TPM4: variants seen among roughly 807,000 people sequenced by gnomAD.
TPM4 encodes the protein tropomyosin alpha-4 chain.
Under a neutral mutation model 35.8 loss-of-function variants are expected in TPM4, and 17 were observed. The ratio of observed to expected loss-of-function variants is 0.47; its 90% confidence interval spans 0.32 to 0.71. The LOEUF is 0.71. Ranked by LOEUF, TPM4 falls within the 30% of genes least tolerant of loss-of-function variation. The pLI is 0.03. For synonymous variants in TPM4, 120 were observed against 122.9 expected, an observed-to-expected ratio of 0.98 and a Z score of 0.15; for missense variants, 240 against 320.9, an observed-to-expected ratio of 0.75 and a Z score of 1.93.
intron 1 of TPM4, among the ~76,000 whole-genome samples, chr19:16,079,289 G>GT (rs1308385452): frequency 6.6e-6 from 1 of 152,124 alleles, no homozygotes; most frequent in Non-Finnish European, 1.5e-5. Context: ...TGGGTACACA[G>GT]TTTTTTGTTT....
intron 1 of TPM4, 142 bp downstream of exon 1, chr19:16,076,839 A>G (rs929050379): frequency 1.2e-4 from 154 of 1,239,018 alleles, no homozygotes; most frequent in Non-Finnish European, 1.5e-4. Flanking sequence ...GCCGACCCAC[A>G]TCCCTGCGCC....
chr19:16,094,853 C>G (rs2090674681), intron 7 of TPM4, among the ~76,000 whole-genome samples: 1 of 152,148 alleles, frequency 6.6e-6, no homozygotes, highest in African/African-American at 2.4e-5. Flanking sequence ...AGGACACATT[C>G]TTCAGACCAT....
intron 7 of TPM4, chr19:16,095,387 G>T (rs1442252880): frequency 1.9e-6 from 2 of 1,033,090 alleles, no homozygotes; most frequent in Non-Finnish European, 2.3e-6. Context: ...CTCACATGGT[G>T]CCTCCTACGC....
intron 2 of TPM4, among the ~76,000 whole-genome samples, chr19:16,068,465 T>G (rs973797937): frequency 6.6e-6 from 1 of 152,122 alleles, no homozygotes; most frequent in Non-Finnish European, 1.5e-5. Flanking sequence ...CATGAGCCAC[T>G]GCGCCCGGCC....
rs935774308 is a variant in TPM4, at chr19:16,070,624, C to T, written c.114+2886C>T. 2.6e-5 allele frequency among the ~76,000 whole-genome samples: 4 copies of T among 152,210 alleles called. No individual in the cohort carries two copies. The South Asian group carries it at 8.3e-4, about 31-fold the overall frequency. Reference sequence around the variant, plus strand: ...GAAGTGACAGTAGGGCCTCCCTTGCCACCCCATGACAGGATTAGAGGTGAC... The same window carrying T: ...GAAGTGACAGTAGGGCCTCCCTTGCTACCCCATGACAGGATTAGAGGTGAC... On this transcript the variant is annotated intron_variant, in intron 2 of 2. Coordinates refer to the TPM4 transcript ENST00000589897. This position sits in a 1 kb window ranked among gnomAD's most constrained non-coding sequence, Gnocchi z 7.4.
At chr19:16,096,223 C>T (rs2090694304) in intron 7 of TPM4, among the ~76,000 whole-genome samples, 1 of 152,156 alleles carries the variant, frequency 6.6e-6, no homozygotes, top group South Asian at 2.1e-4. Flanking sequence ...GCCATCACGC[C>T]TGGCCATTTT....
chr19:16,091,148 G>A (rs1401608403), intron 5 of TPM4, among the ~76,000 whole-genome samples: 2 of 152,110 alleles, frequency 1.3e-5, no homozygotes, highest in Admixed American at 6.6e-5. Context: ...CACCTCCTAG[G>A]CTCAAGCAAT....
rs573362207 is a variant in TPM4, at chr19:16,084,489, C to T, written c.267-1934C>T. On this transcript the variant is annotated intron_variant, in intron 2 of 7. Coordinates refer to ENST00000643579, the MANE Select transcript of TPM4 (RefSeq NM_003290.3). The stretch of plus-strand genomic sequence containing the variant: ...GGTTAGCTGCTGTTCACAGTCAGAC[C>T]AGCCTGGCTGGATGCTGACGTTGAG... Among the ~76,000 whole-genome samples the T allele has an allele frequency of 6.2e-4, 94 of 152,338 alleles. 2 individuals are homozygous for T. Among genetic ancestry groups the T allele is most frequent in the Admixed American group, 5.0e-3 (77 of 15,296 alleles).
chr19:16,068,116 CGT>C (rs1181179620), intron 2 of TPM4, among the ~76,000 whole-genome samples: 2 of 148,562 alleles, frequency 1.3e-5, no homozygotes, highest in East Asian at 4.0e-4. Flanking sequence ...TGTGTGTGTA[CGT>C]GTGTGTGTAC....
chr19:16,082,025 A>C lies in TPM4; in HGVS notation c.245A>C (p.Lys82Thr). ...TALQKLEEAE[K>T]AADESERGMK... ...CTGCAGAAGCTGGAGGAGGCAGAAA[A>C]AGCTGCAGATGAGAGTGAGAGGTAA... The change falls in exon 2 of 8, where the codon AAA (lysine) becomes ACA (threonine). Residue 82 changes from lysine to threonine, a missense_variant. Coordinates refer to ENST00000643579, the MANE Select transcript of TPM4 (RefSeq NM_003290.3). 1 of 1,609,788 alleles carries C rather than the reference A, an allele frequency of 6.2e-7. No individual in the cohort carries two copies. The highest frequency in any genetic ancestry group is 1.7e-4 in the Middle Eastern group (1 of 6,032).
At chr19:16,075,714 G>A, upstream of TPM4, 1 of 242,758 alleles carries the variant, frequency 4.1e-6, no homozygotes, top group Non-Finnish European at 8.0e-6. Context: ...ATCATGGTGA[G>A]GCTGCACCTC....
upstream of TPM4, chr19:16,076,398 G>A (rs573127719): frequency 1.5e-4 from 204 of 1,379,338 alleles, no homozygotes; most frequent in East Asian, 4.2e-3. Context: ...GGTCCGGCCG[G>A]GTGACCTCAT....
At position 16,101,250 on chromosome 19, in the gene TPM4, T is replaced by G; in HGVS notation, c.665-14T>G. On this transcript the variant is annotated splice_polypyrimidine_tract_variant and intron_variant, in intron 7 of 7. Transcript: ENST00000643579. ...TATTAATTTATCTTTCCCCATACTC[T>G]TAATCCTCACCAGAGAAACTTGCCC... 6.3e-7 allele frequency: 1 copy of G among 1,585,132 alleles called. No homozygotes were observed. Among genetic ancestry groups the G allele is most frequent in the Non-Finnish European group, 8.6e-7 (1 of 1,167,970 alleles).
chr19:16,089,055 G>T lies in TPM4; in HGVS notation c.466G>T (p.Asp156Tyr). The change falls in exon 5 of 8, where the codon GAC (aspartate) becomes TAC (tyrosine). Residue 156 changes from aspartate (D) to tyrosine (Y), a missense_variant. Physicochemically the swap from Asp to Tyr is radical, Grantham distance 160. Transcript: ENST00000643579. The stretch of plus-strand genomic sequence containing the variant: ...TTTGTCTTTGTGCAGAAAATGTGGT[G>T]ACCTGGAAGAAGAACTCAAGAATGT... ...RAEVSELKCG[D>Y]LEEELKNVTN... The T allele has an allele frequency of 1.2e-6, 2 of 1,614,058 alleles. No homozygotes were observed. Among genetic ancestry groups the T allele is most frequent in the South Asian group, 2.2e-5 (2 of 91,046 alleles).
intron 2 of TPM4, among the ~76,000 whole-genome samples, chr19:16,082,463 A>T (rs2090495176): frequency 6.6e-6 from 1 of 152,244 alleles, no homozygotes; most frequent in Non-Finnish European, 1.5e-5. Flanking sequence ...GTGAGCCGAG[A>T]TCGTGCCATT....
upstream of TPM4, among the ~76,000 whole-genome samples, chr19:16,073,949 A>AAAAC (rs1418149289): frequency 8.0e-6 from 1 of 125,590 alleles, no homozygotes; most frequent in Non-Finnish European, 1.7e-5. Flanking sequence ...AAAAAAAAAA[A>AAAAC]AAAAAAAAAA....
chr19:16,079,724 G>A, intron 1 of TPM4: 1 of 185,210 alleles, frequency 5.4e-6, no homozygotes, highest in Non-Finnish European at 1.1e-5. Flanking sequence ...TTTTGAGACG[G>A]AATCTTGCTC....
Position 16,069,507 on chromosome 19 carries a change from G to A in TPM4, c.114+1769G>A, listed in dbSNP as rs1175856513. Among the ~76,000 whole-genome samples the A allele has an allele frequency of 5.2e-3, 83 of 15,972 alleles. 2 individuals are homozygous for A. Among genetic ancestry groups the A allele is most frequent in the African/African-American group, 0.025 (75 of 2,990 alleles). The allele number at this position is 15,972 out of a possible 152,430, so 10.5% of individuals were successfully genotyped here. Reference sequence around the variant, plus strand: ...TGTGTTTCTGATGGGGTGTGTGTATGATTGTGTGTTTCTATTGGTGTGTAT... The same window carrying A: ...TGTGTTTCTGATGGGGTGTGTGTATAATTGTGTGTTTCTATTGGTGTGTAT... On this transcript the variant is annotated intron_variant, in intron 2 of 2. Transcript: ENST00000589897.
In TPM4 at chr19:16,101,533, CT is replaced by C. The variant is rs954450951; in HGVS notation, c.*196del. ...GCACCAGTTAAATCTCATTCCTTCC[CT>C]TTTTTTTTCAAATGGCACCAGCTTT... On this transcript the variant is annotated 3_prime_UTR_variant, in exon 8 of 8. Transcript: ENST00000643579. The C allele has an allele frequency of 2.2e-4, 97 of 431,334 alleles. No homozygotes were observed. The highest frequency in any genetic ancestry group is 3.6e-4 in the South Asian group (7 of 19,440). The allele number at this position is 431,334 out of a possible 1,614,324, so 26.7% of individuals were successfully genotyped here. A position where few individuals can be genotyped will look rare whatever the true frequency, so the allele number is the denominator to read the frequency against.
Sources: allele counts gnomAD v4.1 joint callset (sites outside exome capture counted in the v4.1 genomes callset), GRCh38; gene constraint gnomAD v4.1.1; non-coding constraint Gnocchi (gnomAD v3.1); transcripts MANE v1.5; gene names NCBI Gene and HGNC (gene_info 2026-07-23, HGNC 2026-07-21).